SLC4A4: variants seen among roughly 807,000 people sequenced by gnomAD.
SLC4A4 encodes the protein solute carrier family 4 member 4.
In SLC4A4, 27 loss-of-function variants were observed where a neutral mutation model predicts 111.5. The ratio of observed to expected loss-of-function variants is 0.24; its 90% CI spans 0.18 to 0.33. The LOEUF (loss-of-function observed/expected upper bound fraction) is 0.33. Among genes scored for constraint, SLC4A4 ranks in the 10% least tolerant of loss-of-function variants. The pLI, the probability that SLC4A4 is intolerant of heterozygous loss-of-function variation, is 1.00. For missense variants in SLC4A4, 909 were observed against 1,315.5 expected, an observed-to-expected ratio of 0.69 and a Z score of 4.78; for synonymous variants, 443 against 463.4, an observed-to-expected ratio of 0.96 and a Z score of 0.57.
intron 16 of SLC4A4, among the ~76,000 whole-genome samples, chr4:71,531,754 TACACACACACACACACACACACAC>T (rs56164928): frequency 5.1e-4 from 65 of 128,210 alleles, no homozygotes; most frequent in African/African-American, 1.5e-3. Flanking sequence ...CCTCCCTGCC[TACACACACACACACACACACACAC>T]ACACACACAC....
chr4:71,487,832 C>T (rs1729560361), intron 15 of SLC4A4, among the ~76,000 whole-genome samples: 1 of 151,626 alleles, frequency 6.6e-6, no homozygotes, highest in Non-Finnish European at 1.5e-5. Context: ...GGGCAACTCT[C>T]ACGTGACCCT....
intron 2 of SLC4A4, among the ~76,000 whole-genome samples, chr4:71,159,132 T>G (rs1578536145): frequency 6.6e-6 from 1 of 152,250 alleles, no homozygotes; most frequent in Non-Finnish European, 1.5e-5. Context: ...CATATCTATA[T>G]CTAGATAATG....
At chr4:71,560,020 A>C in intron 22 of SLC4A4, 73 bp from the exon 23 acceptor site, 61 of 1,140,998 alleles carry the variant, frequency 5.3e-5, no homozygotes, top group Non-Finnish European at 7.5e-5. Context: ...GGTCTTTGAT[A>C]GGAGAGTATC....
chr4:71,100,196 A>C (rs1429603921), intron 2 of SLC4A4, among the ~76,000 whole-genome samples: 2 of 152,166 alleles, frequency 1.3e-5, no homozygotes, highest in Non-Finnish European at 2.9e-5. Context: ...TAGATGCAAA[A>C]TCCTCAATGA....
At chr4:71,413,173 G>A (rs765774352) in intron 7 of SLC4A4, among the ~76,000 whole-genome samples, 2 of 152,102 alleles carry the variant, frequency 1.3e-5, no homozygotes, top group Non-Finnish European at 2.9e-5. Context: ...CCTCCGTGAA[G>A]GGTACATTAA....
At chr4:71,400,010 G>A (rs868283370) in intron 7 of SLC4A4, among the ~76,000 whole-genome samples, 4 of 152,090 alleles carry the variant, frequency 2.6e-5, no homozygotes, top group African/African-American at 9.7e-5. Flanking sequence ...AATTTATTTC[G>A]CACATTTTGT....
At chr4:71,209,204 G>A (rs779591083) in intron 1 of SLC4A4, among the ~76,000 whole-genome samples, 12 of 152,102 alleles carry the variant, frequency 7.9e-5, no homozygotes, top group Non-Finnish European at 1.3e-4. Context: ...CATACTATCT[G>A]TGCTATTGGC....
At chr4:71,537,047 T>C (rs970424121) in intron 18 of SLC4A4, among the ~76,000 whole-genome samples, 1 of 151,858 alleles carries the variant, frequency 6.6e-6, no homozygotes, top group African/African-American at 2.4e-5. Context: ...GCTTTTTAAG[T>C]TCTCCCTACT....
chr4:71,375,634 C>T (rs1269998515), intron 6 of SLC4A4, among the ~76,000 whole-genome samples: 1 of 152,160 alleles, frequency 6.6e-6, no homozygotes, highest in African/African-American at 2.4e-5. Context: ...GAGTACATGT[C>T]TTATTCCCTT....
At chr4:71,369,407 G>T (rs1731644038) in intron 6 of SLC4A4, among the ~76,000 whole-genome samples, 1 of 152,118 alleles carries the variant, frequency 6.6e-6, no homozygotes, top group South Asian at 2.1e-4. Flanking sequence ...CTAAGGGGTG[G>T]GGCTGGCACT....
chr4:71,392,589 C>T (rs563771286), intron 6 of SLC4A4, among the ~76,000 whole-genome samples: 2 of 151,912 alleles, frequency 1.3e-5, no homozygotes, highest in Non-Finnish European at 2.9e-5. Flanking sequence ...ATTGGTCAGG[C>T]GTATTCAAAG....
intron 2 of SLC4A4, among the ~76,000 whole-genome samples, chr4:71,134,984 C>T (rs1743804150): frequency 6.6e-6 from 1 of 152,128 alleles, no homozygotes; most frequent in African/African-American, 2.4e-5. Context: ...TGGCATAAAC[C>T]ATAGTTAGTG....
intron 7 of SLC4A4, 75 bp downstream of exon 7, chr4:71,397,728 T>C (rs1465474339): frequency 7.7e-7 from 1 of 1,305,026 alleles, no homozygotes; most frequent in Non-Finnish European, 1.1e-6. Context: ...GGATTAGAGG[T>C]GATGGTTGCT....
chr4:71,517,508 T>A (rs1215717932), intron 16 of SLC4A4, among the ~76,000 whole-genome samples: 1 of 152,160 alleles, frequency 6.6e-6, no homozygotes, highest in Non-Finnish European at 1.5e-5. Context: ...CTAGTTTTGG[T>A]CATTTATTGT....
chr4:71,374,219 C>T (rs1055367784), intron 6 of SLC4A4, among the ~76,000 whole-genome samples: 1 of 152,116 alleles, frequency 6.6e-6, no homozygotes, highest in Non-Finnish European at 1.5e-5. Context: ...TCTCACTTTC[C>T]ATCCCTCTGT....
intron 6 of SLC4A4, among the ~76,000 whole-genome samples, chr4:71,396,078 A>G (rs991354394): frequency 4.6e-5 from 7 of 152,208 alleles, no homozygotes; most frequent in Non-Finnish European, 8.8e-5. Context: ...TTTTGTATTG[A>G]GTGGACACTA....
At position 71,331,409 on chromosome 4, in the gene SLC4A4, T is replaced by G. The variant is rs560029479; in HGVS notation, c.254-7961T>G. On this transcript the variant is annotated intron_variant, in intron 3 of 25. Transcript: ENST00000264485. ...TGGAATACTATGCAGCCATAAAAAA[T>G]GATGAGTTCATGTCCTTTGTAGGGA... 7.3e-4 allele frequency among the ~76,000 whole-genome samples: 111 copies of G among 152,136 alleles called. 3 individuals carry two copies. In the East Asian group the frequency reaches 0.013, roughly 18 times the overall value.
At chr4:71,282,280 G>A (rs941063493) in intron 3 of SLC4A4, among the ~76,000 whole-genome samples, 1 of 151,554 alleles carries the variant, frequency 6.6e-6, no homozygotes, top group Non-Finnish European at 1.5e-5. Flanking sequence ...TAGGAAAAAG[G>A]GCATCCCTAA....
chr4:71,115,287 G>A (rs1269609417), intron 2 of SLC4A4, among the ~76,000 whole-genome samples: 1 of 151,618 alleles, frequency 6.6e-6, no homozygotes, highest in African/African-American at 2.4e-5. Context: ...GTATACATAT[G>A]TAACTAACCT....
Sources: allele counts gnomAD v4.1 joint callset (sites outside exome capture counted in the v4.1 genomes callset), GRCh38; gene constraint gnomAD v4.1.1; transcripts MANE v1.5; gene names NCBI Gene and HGNC (gene_info 2026-07-23, HGNC 2026-07-21).